TDRD12: variants seen among roughly 807,000 people sequenced by gnomAD.
The protein encoded by TDRD12 is putative ATP-dependent RNA helicase TDRD12.
A neutral mutation model predicts 133.5 loss-of-function variants in TDRD12; 158 were observed. The ratio of observed to expected loss-of-function variants is 1.18; its 90% CI spans 1.04 to 1.35. The LOEUF is 1.35. Ranked by LOEUF, TDRD12 falls within the 40% of genes most tolerant of loss-of-function variation. The probability of loss-of-function intolerance (pLI) is 0.00; values close to 1 mark genes in which losing one functional copy is unlikely to be tolerated. For missense variants in TDRD12, 1,443 were observed against 1,321.3 expected, an observed-to-expected ratio of 1.09 and a Z score of -1.43; for synonymous variants, 460 against 477.9, an observed-to-expected ratio of 0.96 and a Z score of 0.49.
At chr19:32,745,774 ACTGG>A (rs1969588760) in intron 4 of TDRD12, among the ~76,000 whole-genome samples, 2 of 80,982 alleles carry the variant, frequency 2.5e-5, no homozygotes, top group Non-Finnish European at 4.4e-5. Context: ...AGAGAGAGAG[ACTGG>A]CTGATGTCAT....
intron 4 of TDRD12, among the ~76,000 whole-genome samples, chr19:32,745,550 A>T (rs1969577781): frequency 6.6e-6 from 1 of 152,220 alleles, no homozygotes; most frequent in Non-Finnish European, 1.5e-5. Flanking sequence ...TTGTTTGCTC[A>T]GTAAAAATGG....
intron 1 of TDRD12, among the ~76,000 whole-genome samples, chr19:32,726,090 T>G (rs560977024): frequency 6.6e-6 from 1 of 152,162 alleles, no homozygotes; most frequent in South Asian, 2.1e-4. Flanking sequence ...ATAATTTTTT[T>G]TTTTTTTTGA....
chr19:32,756,114 T>G, exon 7 of TDRD12: 1 of 1,480,626 alleles, frequency 6.8e-7, no homozygotes, highest in Non-Finnish European at 8.9e-7. Flanking sequence ...CCTCCTTCAA[T>G]AAACTCAATC....
chr19:32,813,550 G>A, intron 24 of TDRD12, 134 bp from the exon 25 acceptor site: 1 of 584,430 alleles, frequency 1.7e-6, no homozygotes, highest in Admixed American at 3.1e-5. Context: ...AGGGGGTGAT[G>A]ACCTCTGTGA....
intron 4 of TDRD12, among the ~76,000 whole-genome samples, chr19:32,743,370 C>G (rs1568453317): frequency 6.7e-6 from 1 of 150,246 alleles, no homozygotes; most frequent in African/African-American, 2.4e-5. Flanking sequence ...TCCCCTCCCC[C>G]ACTCCCTCTC....
chr19:32,731,551 TGTTG>T (rs1306869372), intron 1 of TDRD12, among the ~76,000 whole-genome samples, 170 bp from the exon 2 acceptor site: 1 of 152,228 alleles, frequency 6.6e-6, no homozygotes, highest in Non-Finnish European at 1.5e-5. Context: ...AATTACATAC[TGTTG>T]GTTATGTGTT....
At position 32,719,947 on chromosome 19, in the gene TDRD12, C is replaced by T. The variant is rs571331033; in HGVS notation, c.-126C>T. 1.2e-5 allele frequency: 15 copies of T among 1,240,648 alleles called. No individual in the cohort carries two copies. The South Asian group carries it at 1.6e-4, about 13-fold the overall frequency. The allele number at this position is 1,240,648 out of a possible 1,614,324, so 76.9% of individuals were successfully genotyped here. ...GCACCTGCCGCGGGGGGCCCAGGCG[C>T]TAAAGGTGGAGGGAAGGAACGCACT... On this transcript the variant is annotated 5_prime_UTR_variant, in exon 1 of 28. Transcript: ENST00000444215.
At chr19:32,828,457 G>A (rs1172183012) in exon 10 of TDRD12, 3 of 152,166 alleles carry the variant, frequency 2.0e-5, no homozygotes, top group Non-Finnish European at 1.5e-5. Flanking sequence ...TGGCTTTTGT[G>A]CTTTGGGTTT....
At position 32,722,992 on chromosome 19, in the gene TDRD12, C is replaced by A. The variant is rs1375431056; in HGVS notation, c.24+2896C>A. On this transcript the variant is annotated intron_variant, in intron 1 of 27. Coordinates refer to ENST00000444215, the Ensembl canonical transcript of TDRD12. ...GCTGCACCTGGCCCCCCCATGTAAC[C>A]TTTTAGAAGTTTTATAATTTTATAT... Among the ~76,000 whole-genome samples, 16 of 152,106 alleles carry A rather than the reference C, an allele frequency of 1.1e-4. No individual in the cohort carries two copies. The East Asian group carries it at 3.1e-3, about 29-fold the overall frequency.
chr19:32,777,569 T>G (rs1970617985), intron 11 of TDRD12, among the ~76,000 whole-genome samples: 1 of 151,988 alleles, frequency 6.6e-6, no homozygotes, highest in African/African-American at 2.4e-5. Context: ...TTCTTTCCAG[T>G]TCTCTGAGGC....
intron 6 of TDRD12, among the ~76,000 whole-genome samples, chr19:32,753,845 C>G (rs954634211): frequency 3.9e-5 from 6 of 151,926 alleles, no homozygotes; most frequent in Non-Finnish European, 7.4e-5. Context: ...CCTTTCTCCA[C>G]CAGTGAGAAA....
At chr19:32,744,732 A>C (rs1969550304) in intron 4 of TDRD12, among the ~76,000 whole-genome samples, 1 of 151,790 alleles carries the variant, frequency 6.6e-6, no homozygotes, top group South Asian at 2.1e-4. Context: ...GAGTGGCCTG[A>C]CTTCTGCCTC....
chr19:32,821,125 A>C (rs1392216782), exon 28 of TDRD12: 27 of 1,535,940 alleles, frequency 1.8e-5, no homozygotes, highest in Non-Finnish European at 1.5e-5. Context: ...ACGAGCTCAG[A>C]AAACCAGAAG....
chr19:32,805,689 T>C (rs1408337847), intron 21 of TDRD12, among the ~76,000 whole-genome samples: 1 of 152,008 alleles, frequency 6.6e-6, no homozygotes, highest in African/African-American at 2.4e-5. Context: ...TTGGCTATTT[T>C]AAATCCATTG....
exon 2 of TDRD12, chr19:32,731,815 A>G (rs769317208): frequency 4.3e-5 from 67 of 1,551,440 alleles, no homozygotes; most frequent in African/African-American, 8.2e-5. Flanking sequence ...AAATAGTGCC[A>G]TGAATGACTT....
chr19:32,798,172 A>G (rs1202820495), intron 15 of TDRD12, 136 bp from the exon 16 acceptor site: 3 of 762,278 alleles, frequency 3.9e-6, no homozygotes, highest in African/African-American at 1.8e-5. Flanking sequence ...TGCTGGGCAT[A>G]TGGGGTTGAC....
chr19:32,798,296 T>C lies in TDRD12; in HGVS notation c.1631-12T>C, dbSNP rs1159872407. On this transcript the variant is annotated splice_polypyrimidine_tract_variant and intron_variant, in intron 15 of 27. Coordinates refer to ENST00000444215, the Ensembl canonical transcript of TDRD12. The stretch of plus-strand genomic sequence containing the variant: ...GAAAATTGAAAATGTTCACTTTTTT[T>C]TTTAAATGCAGGTGATGTGATTGTT... 1 of 1,514,908 alleles carries C rather than the reference T, an allele frequency of 6.6e-7. No individual in the cohort carries two copies. The highest frequency in any genetic ancestry group is 8.8e-7 in the Non-Finnish European group (1 of 1,130,992). 93.8% of individuals were successfully genotyped at this position (1,514,908 alleles called of 1,614,324 possible).
chr19:32,790,560 T>G, exon 12 of TDRD12: 1 of 1,551,984 alleles, frequency 6.4e-7, no homozygotes, highest in Non-Finnish European at 8.7e-7. Context: ...CCTGATCCTT[T>G]GAGAGCTGAC....
intron 1 of TDRD12, among the ~76,000 whole-genome samples, chr19:32,728,532 A>G (rs1247668152): frequency 6.6e-6 from 1 of 151,830 alleles, no homozygotes; most frequent in Non-Finnish European, 1.5e-5. Context: ...AATAAAGACA[A>G]TTTTATTTAT....
Sources: gnomAD v4.1 joint callset for allele counts (sites outside exome capture counted in the v4.1 genomes callset) on GRCh38, gnomAD v4.1.1 for gene constraint, MANE v1.5 for transcripts, NCBI Gene and HGNC (gene_info 2026-07-23, HGNC 2026-07-21) for gene names.